Variants in ZNF737 observed in about 807,000 individuals in gnomAD.
ZNF737 encodes zinc finger protein 737, also known as zinc finger protein 102 (Y3).
ZNF737 carries 13 observed loss-of-function variants against 11.7 expected under a neutral mutation model. That is an observed-to-expected ratio of 1.11 (90% CI 0.73 to 1.77). The LOEUF (loss-of-function observed/expected upper bound fraction) is 1.77, where lower values mean the gene tolerates loss of function less well. ZNF737 is among the 40% of genes most tolerant of loss of function. The probability of loss-of-function intolerance (pLI) is 0.00; values close to 1 mark genes in which losing one functional copy is unlikely to be tolerated. For missense variants in ZNF737, 636 were observed against 638.0 expected, an observed-to-expected ratio of 1.00 and a Z score of 0.03; for synonymous variants, 217 against 216.2, an observed-to-expected ratio of 1.00 and a Z score of -0.03.
chr19:20,555,328 AC>A (rs782361471), intron 1 of ZNF737, among the ~76,000 whole-genome samples: 3 of 151,826 alleles, frequency 2.0e-5, no homozygotes, highest in Non-Finnish European at 4.4e-5. Flanking sequence ...GATTGCAGGC[AC>A]CCACTGCCAT....
In ZNF737 at chr19:20,542,033, T is replaced by C; in HGVS notation, c.*2559A>G. 1.0e-6 allele frequency: 1 copy of C among 984,822 alleles called. No individual in the cohort carries two copies. Among genetic ancestry groups the C allele is most frequent in the Non-Finnish European group, 1.2e-6 (1 of 829,430 alleles). 61.0% of individuals were successfully genotyped at this position (984,822 alleles called of 1,614,324 possible). ...ATCTATGGGAACAATATTTAACTCA[T>C]TTGCAGTTTAAAGCCACTGACAGTG... On this transcript the variant is annotated 3_prime_UTR_variant, in exon 4 of 4. Transcript: ENST00000427401.
chr19:20,553,622 A>G, intron 2 of ZNF737, 87 bp downstream of exon 2: 1 of 1,347,860 alleles, frequency 7.4e-7, no homozygotes, highest in Non-Finnish European at 1.0e-6. Flanking sequence ...TCTTTTATAA[A>G]AGAATAAATT....
chr19:20,553,376 A>C (rs1968767271), intron 2 of ZNF737, among the ~76,000 whole-genome samples: 2 of 151,920 alleles, frequency 1.3e-5, no homozygotes, highest in Admixed American at 1.3e-4. Flanking sequence ...CTCCTGCCTC[A>C]CCTTCCCAAT....
intron 3 of ZNF737, among the ~76,000 whole-genome samples, chr19:20,547,471 A>G (rs1290581336): frequency 6.6e-6 from 1 of 152,064 alleles, no homozygotes; most frequent in African/African-American, 2.4e-5. Context: ...CAGAATAGAG[A>G]ACTCAGAAAT....
rs568212443 is a variant in ZNF737 at position 20,541,121 on chromosome 19, A to T, written c.*3471T>A. 2 of 983,408 alleles carry T rather than the reference A, an allele frequency of 2.0e-6. No individual in the cohort carries two copies. Among genetic ancestry groups the T allele is most frequent in the African/African-American group, 1.7e-5 (1 of 57,322 alleles). 60.9% of individuals were successfully genotyped at this position (983,408 alleles called of 1,614,324 possible). ...TCACAGGCCAGAACATTTTATATTAATAAATTCAATACAAAGCAGAAAGTA... is the reference window on the plus strand; with the variant it reads ...TCACAGGCCAGAACATTTTATATTATTAAATTCAATACAAAGCAGAAAGTA... On this transcript the variant is annotated 3_prime_UTR_variant, in exon 4 of 4. Coordinates refer to ENST00000427401, the MANE Select transcript of ZNF737 (RefSeq NM_001159293.2).
rs923044079 is a variant in ZNF737 at position 20,543,516 on chromosome 19, G to A, written c.*1076C>T. 15 of 984,772 alleles carry A rather than the reference G, an allele frequency of 1.5e-5. No homozygotes were observed. The African/African-American group carries it at 2.6e-4, about 17-fold the overall frequency. The allele number at this position is 984,772 out of a possible 1,614,324, so 61.0% of individuals were successfully genotyped here. On this transcript the variant is annotated 3_prime_UTR_variant, in exon 4 of 4. Transcript: ENST00000427401. ...GTTAGATGTGAGTAGGAATTAATAGGTTTTCCATATTCCTTCTATTTGTAC... is the reference window on the plus strand; with the variant it reads ...GTTAGATGTGAGTAGGAATTAATAGATTTTCCATATTCCTTCTATTTGTAC...
At chr19:20,537,025 C>T (rs926645743), downstream of ZNF737, among the ~76,000 whole-genome samples, 5 of 151,964 alleles carry the variant, frequency 3.3e-5, no homozygotes, top group Non-Finnish European at 7.4e-5. Flanking sequence ...ATCGCTTAAA[C>T]CCGAAAGCCA....
At chr19:20,551,066 G>A (rs1968645114) in intron 3 of ZNF737, 1 of 152,248 alleles carries the variant, frequency 6.6e-6, no homozygotes, top group Non-Finnish European at 1.5e-5. Flanking sequence ...GGTCCCTGAA[G>A]AGGTTCAATG....
In ZNF737 at chr19:20,544,746, C is replaced by T. The variant is rs782612643; in HGVS notation, c.1457G>A (p.Cys486Tyr). ...AAAGGAGCGCTTAAAAGCCTTGCCACATCGTTCACATTTGTAGGGTTTCTC... is the reference window on the plus strand; with the variant it reads ...AAAGGAGCGCTTAAAAGCCTTGCCATATCGTTCACATTTGTAGGGTTTCTC... ...TGEKPYKCER[C>Y]GKAFKRSFIL... Residue 486 changes from cysteine (C) to tyrosine (Y), a missense_variant, in exon 4 of 4, where the codon TGT becomes TAT. Transcript: ENST00000427401. 2 of 1,607,184 alleles carry T rather than the reference C, an allele frequency of 1.2e-6. No individual in the cohort carries two copies. Among genetic ancestry groups the T allele is most frequent in the East Asian group, 2.3e-5 (1 of 44,386 alleles).
downstream of ZNF737, among the ~76,000 whole-genome samples, chr19:20,535,071 A>G (rs1335486722): frequency 6.8e-6 from 1 of 147,482 alleles, no homozygotes; most frequent in African/African-American, 2.5e-5. Flanking sequence ...ATATACAAAC[A>G]AATGAAAAGC....
intron 1 of ZNF737, among the ~76,000 whole-genome samples, chr19:20,563,087 CATAA>C (rs1431252544): frequency 6.8e-6 from 1 of 146,572 alleles, no homozygotes; most frequent in East Asian, 2.1e-4. Context: ...ATTTTTTTAA[CATAA>C]ATTAATATTT....
chr19:20,552,513 A>G lies in ZNF737; in HGVS notation c.188T>C (p.Leu63Ser). The stretch of plus-strand genomic sequence containing the variant: ...TACCATCTCATGTTTCTTCATGGTC[A>G]AAGGTTTTTTTCCTTGCTCCAGACA... ...ITCLEQGKKP[L>S]TMKKHEMVAN... The change falls in exon 3 of 4, where the codon TTG becomes TCG. Residue 63 changes from leucine to serine, a missense_variant. Physicochemically the swap from Leu to Ser is moderately radical, Grantham distance 145. Coordinates refer to ENST00000427401, the MANE Select transcript of ZNF737 (RefSeq NM_001159293.2). The G allele has an allele frequency of 1.3e-6, 2 of 1,595,562 alleles. No individual in the cohort carries two copies. Among genetic ancestry groups the G allele is most frequent in the Non-Finnish European group, 1.7e-6 (2 of 1,173,796 alleles).
intron 1 of ZNF737, among the ~76,000 whole-genome samples, chr19:20,554,658 TAA>T (rs148724204): frequency 0.023 from 3,544 of 152,270 alleles, 132 homozygotes; most frequent in African/African-American, 0.079. Context: ...ATTCCTCTTT[TAA>T]AAAAGTAAAT....
chr19:20,531,000 C>T (rs1411697303), downstream of ZNF737, among the ~76,000 whole-genome samples: 47 of 148,952 alleles, frequency 3.2e-4, no homozygotes, highest in Middle Eastern at 3.5e-3. Context: ...CTGAGGCTGG[C>T]GGATCACTCG....
At position 20,542,202 on chromosome 19, in the gene ZNF737, A is replaced by C. The variant is rs782062158; in HGVS notation, c.*2390T>G. 1.3e-4 allele frequency: 131 copies of C among 984,258 alleles called. No homozygotes were observed. Among genetic ancestry groups the C allele is most frequent in the Non-Finnish European group, 1.5e-4 (124 of 829,094 alleles). The allele number at this position is 984,258 out of a possible 1,614,324, so 61.0% of individuals were successfully genotyped here. On this transcript the variant is annotated 3_prime_UTR_variant, in exon 4 of 4. Coordinates refer to ENST00000427401, the MANE Select transcript of ZNF737 (RefSeq NM_001159293.2). ...GTAGTCTTACCATGGTAAAAATAAA[A>C]TAAAATTAAGTTCACAAATAATCTA...
downstream of ZNF737, among the ~76,000 whole-genome samples, chr19:20,536,650 A>T (rs557391828): frequency 2.6e-5 from 4 of 152,310 alleles, no homozygotes; most frequent in South Asian, 8.3e-4. Context: ...TCTACTAAAA[A>T]TACAAAAATT....
chr19:20,546,262 G>A (rs1555757061), intron 3 of ZNF737, among the ~76,000 whole-genome samples: 1 of 152,174 alleles, frequency 6.6e-6, no homozygotes, highest in Non-Finnish European at 1.5e-5. Flanking sequence ...ACCCAACAGA[G>A]CTCTTCCTGC....
At chr19:20,548,549 T>C (rs2144636706) in intron 3 of ZNF737, among the ~76,000 whole-genome samples, 1 of 152,242 alleles carries the variant, frequency 6.6e-6, no homozygotes, top group South Asian at 2.1e-4. Context: ...CTTTTAGTTT[T>C]ACAAGATGAA....
chr19:20,534,474 T>TATC (rs1168911814), downstream of ZNF737, among the ~76,000 whole-genome samples: 3 of 149,558 alleles, frequency 2.0e-5, no homozygotes, highest in Non-Finnish European at 3.0e-5. Context: ...TCTATCTATC[T>TATC]ATCTATCTAT....
Sources: allele counts gnomAD v4.1 joint callset (sites outside exome capture counted in the v4.1 genomes callset), GRCh38; gene constraint gnomAD v4.1.1; transcripts MANE v1.5; gene names NCBI Gene and HGNC (gene_info 2026-07-23, HGNC 2026-07-21).